Variants in SPATA24 observed in about 807,000 individuals in gnomAD.
The protein encoded by SPATA24 is spermatogenesis associated 24, also known as spermatogenesis-associated protein 24.
A neutral mutation model predicts 28.9 loss-of-function variants in SPATA24; 21 were observed. That is an observed-to-expected ratio of 0.73 (90% CI 0.52 to 1.05). SPATA24 has a LOEUF of 1.05. Ranked by LOEUF, SPATA24 falls within the 50% of genes least tolerant of loss-of-function variation. The pLI is 0.00. For synonymous variants in SPATA24, 76 were observed against 89.9 expected (o/e 0.85, Z 0.88); for missense variants, 215 against 242.9 (o/e 0.88, Z 0.76).
chr5:139,394,082 G>A, downstream of SPATA24: 1 of 1,550,746 alleles, frequency 6.4e-7, no homozygotes, highest in Non-Finnish European at 8.7e-7. Flanking sequence ...GGACCCAGCG[G>A]CTCCGTCCCG....
rs755846563 is a variant in SPATA24 at position 139,397,048 on chromosome 5, T to A, written c.481A>T (p.Ile161Phe). The change falls in exon 5 of 6, where the codon ATC (isoleucine) becomes TTC (phenylalanine). Residue 161 changes from isoleucine to phenylalanine, a missense_variant. By Grantham distance (21) the Ile-to-Phe change is conservative. Coordinates refer to ENST00000450845, the MANE Select transcript of SPATA24 (RefSeq NM_194296.2). ...CGGGCCCAGACCCCTCACCTGAAGA[T>A]CTGTTTCTGCTGGCTGATAACTTGC... is the stretch of plus-strand genomic sequence containing the variant. Reference protein sequence around the residue: ...LQQVISQQKQIFRNHMSDFRI... With the variant: ...LQQVISQQKQFFRNHMSDFRI... 5.2e-6 allele frequency: 8 copies of A among 1,551,602 alleles called. No individual in the cohort carries two copies. The South Asian group carries it at 8.3e-5, about 16-fold the overall frequency.
At chr5:139,402,759 G>C in intron 1 of SPATA24, 66 bp from the exon 2 acceptor site, 2 of 1,269,832 alleles carry the variant, frequency 1.6e-6, no homozygotes, top group Non-Finnish European at 2.2e-6. Flanking sequence ...CTAGGGACCA[G>C]GACCAAAAGC....
chr5:139,393,378 C>T, downstream of SPATA24: 1 of 1,551,616 alleles, frequency 6.4e-7, no homozygotes, highest in South Asian at 1.2e-5. Context: ...CTGAAATTTC[C>T]CGCGTGGATG....
At chr5:139,395,874 C>G (rs540677911), downstream of SPATA24, among the ~76,000 whole-genome samples, 1 of 152,302 alleles carries the variant, frequency 6.6e-6, no homozygotes, top group South Asian at 2.1e-4. Flanking sequence ...AGCTTGTGGT[C>G]CCAGCTCCAA....
chr5:139,398,703 C>A (rs1758761539), intron 4 of SPATA24, among the ~76,000 whole-genome samples: 1 of 152,192 alleles, frequency 6.6e-6, no homozygotes, highest in African/African-American at 2.4e-5. Flanking sequence ...CTGATTCCTA[C>A]AGAAAGAAAA....
downstream of SPATA24, chr5:139,394,401 G>T (rs925416840): frequency 2.7e-5 from 38 of 1,390,518 alleles, no homozygotes; most frequent in Non-Finnish European, 3.4e-5. Flanking sequence ...GCAGCCGGGG[G>T]CGCGGCGCGC....
chr5:139,394,676 T>C (rs1207229778), downstream of SPATA24: 3 of 1,534,476 alleles, frequency 2.0e-6, no homozygotes, highest in South Asian at 3.6e-5. Context: ...GCCGGCTCCG[T>C]GAACTGTTGT....
chr5:139,397,184 C>G, intron 4 of SPATA24, 41 bp from the exon 5 acceptor site: 1 of 1,474,564 alleles, frequency 6.8e-7, no homozygotes, highest in Middle Eastern at 1.7e-4. Flanking sequence ...GGTTCCCATC[C>G]CAGGGCTCCT....
downstream of SPATA24, chr5:139,394,403 G>A: frequency 7.2e-7 from 1 of 1,390,052 alleles, no homozygotes; most frequent in Non-Finnish European, 9.3e-7. Context: ...AGCCGGGGGC[G>A]CGGCGCGCCG....
At chr5:139,396,012 G>A (rs1758698218), downstream of SPATA24, among the ~76,000 whole-genome samples, 1 of 152,190 alleles carries the variant, frequency 6.6e-6, no homozygotes, top group Non-Finnish European at 1.5e-5. Flanking sequence ...ACCTGTCATT[G>A]TCTTACAACT....
chr5:139,401,390 A>G, intron 4 of SPATA24: 1 of 588,470 alleles, frequency 1.7e-6, no homozygotes, highest in Non-Finnish European at 3.0e-6. Flanking sequence ...CCTGACCCTG[A>G]GACTAAGGAT....
downstream of SPATA24, chr5:139,392,833 C>G (rs1758621095): frequency 1.3e-6 from 2 of 1,532,316 alleles, no homozygotes; most frequent in Non-Finnish European, 1.8e-6. This position sits in a 1 kb window ranked among gnomAD's most constrained non-coding sequence, Gnocchi z 5.8. Context: ...CGCTCGCACT[C>G]GCGAGGTTAC....
chr5:139,397,023 C>A lies in SPATA24; in HGVS notation c.488+18G>T. The A allele has an allele frequency of 6.4e-7, 1 of 1,551,606 alleles. No individual in the cohort carries two copies. The highest frequency in any genetic ancestry group is 2.0e-5 in the Admixed American group (1 of 50,990). On this transcript the variant is annotated intron_variant, in intron 5 of 5. Coordinates refer to ENST00000450845, the MANE Select transcript of SPATA24 (RefSeq NM_194296.2). ...CCCAGTGTCATCAACAACCCCCAGCCGGGCCCAGACCCCTCACCTGAAGAT... is the reference window on the plus strand; with the variant it reads ...CCCAGTGTCATCAACAACCCCCAGCAGGGCCCAGACCCCTCACCTGAAGAT...
At position 139,397,162 on chromosome 5, in the gene SPATA24, G is replaced by A. The variant is rs760827229; in HGVS notation, c.386-19C>T. 131 of 1,540,770 alleles carry A rather than the reference G, an allele frequency of 8.5e-5. 5 individuals are homozygous for A. In the Middle Eastern group the frequency reaches 2.8e-3, roughly 33 times the overall value. On this transcript the variant is annotated intron_variant, in intron 4 of 5. Coordinates refer to ENST00000450845, the MANE Select transcript of SPATA24 (RefSeq NM_194296.2). The stretch of plus-strand genomic sequence containing the variant: ...TCAATCTCTGTGGGGGAGAGAGGCA[G>A]GGAGGAGGGGTGGTTCCCATCCCAG...
downstream of SPATA24, chr5:139,393,463 C>T: frequency 6.4e-7 from 1 of 1,551,668 alleles, no homozygotes; most frequent in Non-Finnish European, 8.7e-7. Flanking sequence ...CTGAGTTAAC[C>T]CATTCTGAGC....
chr5:139,393,061 G>A (rs1482474876), downstream of SPATA24: 4 of 1,530,540 alleles, frequency 2.6e-6, no homozygotes, highest in Admixed American at 8.5e-5. Context: ...AGCCGGGGCG[G>A]GGGGCCCCAG....
intron 4 of SPATA24, among the ~76,000 whole-genome samples, chr5:139,398,411 A>AC (rs1230769906): frequency 1.3e-5 from 2 of 151,214 alleles, no homozygotes; most frequent in East Asian, 1.9e-4. Flanking sequence ...AACTAAAAAA[A>AC]AAAAAAACAA....
chr5:139,394,242 C>G, downstream of SPATA24: 1 of 1,548,312 alleles, frequency 6.5e-7, no homozygotes, highest in Non-Finnish European at 8.7e-7. Flanking sequence ...TTTCCCGGGT[C>G]TCAGGTTCCG....
downstream of SPATA24, chr5:139,393,975 C>T (rs745551688): frequency 2.6e-6 from 4 of 1,550,520 alleles, no homozygotes; most frequent in East Asian, 2.4e-5. Flanking sequence ...GACTCCGTGC[C>T]CTCTGAACAG....
Sources: gnomAD v4.1 joint callset for allele counts (sites outside exome capture counted in the v4.1 genomes callset) on GRCh38, gnomAD v4.1.1 for gene constraint, Gnocchi (gnomAD v3.1) non-coding constraint, MANE v1.5 for transcripts, NCBI Gene and HGNC (gene_info 2026-07-23, HGNC 2026-07-21) for gene names.